CACNA1C: variants seen among roughly 807,000 people sequenced by gnomAD.
The protein encoded by CACNA1C is calcium voltage-gated channel subunit alpha1 C, also known as voltage-dependent L-type calcium channel subunit alpha-1C.
A neutral mutation model predicts 229.0 loss-of-function variants in CACNA1C; 30 were observed. That is an observed-to-expected ratio of 0.13 (90% CI 0.10 to 0.18). The LOEUF (loss-of-function observed/expected upper bound fraction) is 0.18, where lower values mean the gene tolerates loss of function less well. Ranked by LOEUF, CACNA1C falls within the 10% of genes least tolerant of loss-of-function variation. The pLI is 1.00. For missense variants in CACNA1C, 1,658 were observed against 2,845.0 expected, an observed-to-expected ratio of 0.58 and a Z score of 9.49; for synonymous variants, 1,114 against 1,132.5, an observed-to-expected ratio of 0.98 and a Z score of 0.33.
chr12:2,193,716 G>A (rs1461807138), intron 3 of CACNA1C, among the ~76,000 whole-genome samples: 1 of 152,214 alleles, frequency 6.6e-6, no homozygotes, highest in Non-Finnish European at 1.5e-5. Context: ...GCCTTGACAG[G>A]TCTGTCTGGC....
At position 2,319,699 on chromosome 12, in the gene CACNA1C, G is replaced by T. The variant is rs149463438; in HGVS notation, c.478-129277G>T. 3.5e-4 allele frequency among the ~76,000 whole-genome samples: 54 copies of T among 152,190 alleles called. No individual in the cohort carries two copies. Among genetic ancestry groups the T allele is most frequent in the African/African-American group, 1.1e-3 (46 of 41,538 alleles). ...CTTGCTGTGTATTAAATTTGATCTGGGGTGTCTGCAAATGTTGGTGCTCAC... is the reference window on the plus strand; with the variant it reads ...CTTGCTGTGTATTAAATTTGATCTGTGGTGTCTGCAAATGTTGGTGCTCAC... On this transcript the variant is annotated intron_variant, in intron 3 of 46. Coordinates refer to ENST00000399655, the MANE Select transcript of CACNA1C (RefSeq NM_000719.7). The surrounding 1 kb of genome is among the most constrained non-coding windows in gnomAD (Gnocchi z 4.0).
intron 1 of CACNA1C, among the ~76,000 whole-genome samples, chr12:2,076,422 C>T (rs577156756): frequency 9.9e-5 from 15 of 152,110 alleles, no homozygotes; most frequent in Non-Finnish European, 1.6e-4. Context: ...TCAGTGGCCA[C>T]GTGGCTCACA....
At chr12:2,361,447 A>T (rs557911503) in intron 3 of CACNA1C, among the ~76,000 whole-genome samples, 1 of 152,284 alleles carries the variant, frequency 6.6e-6, no homozygotes, top group African/African-American at 2.4e-5. Flanking sequence ...AGCCTCCTTT[A>T]AAAAAGTAAG....
At chr12:2,303,109 G>C (rs2094705714) in intron 3 of CACNA1C, among the ~76,000 whole-genome samples, 1 of 152,252 alleles carries the variant, frequency 6.6e-6, no homozygotes, top group Non-Finnish European at 1.5e-5. Flanking sequence ...CAGTCCAGAG[G>C]GATGTGGTTG....
chr12:2,041,270 C>T lies in CACNA1C; in HGVS notation c.139+70069C>T, dbSNP rs78687325. 8.2e-3 allele frequency among the ~76,000 whole-genome samples: 743 copies of T among 90,898 alleles called. 10 individuals carry two copies. Among genetic ancestry groups the T allele is most frequent in the African/African-American group, 0.026 (613 of 23,890 alleles). The allele number at this position is 90,898 out of a possible 152,430, so 59.6% of individuals were successfully genotyped here. ...GGGTCACAGTGATGCTAAGGGTATTCTTTTTTTTTTTTTTTTTTTTTTTTG... is the reference window on the plus strand; with the variant it reads ...GGGTCACAGTGATGCTAAGGGTATTTTTTTTTTTTTTTTTTTTTTTTTTTG... On this transcript the variant is annotated intron_variant, in intron 1 of 46. Transcript: ENST00000682462.
At chr12:2,162,877 T>C (rs1416104751) in intron 3 of CACNA1C, among the ~76,000 whole-genome samples, 6 of 152,130 alleles carry the variant, frequency 3.9e-5, no homozygotes, top group African/African-American at 1.4e-4. Context: ...CACAAAGCCA[T>C]TGCCTTCTTG....
intron 3 of CACNA1C, among the ~76,000 whole-genome samples, chr12:2,326,971 T>G (rs2096329697): frequency 1.3e-5 from 2 of 152,326 alleles, no homozygotes; most frequent in South Asian, 4.1e-4. Flanking sequence ...GGCAGATATA[T>G]CAGTTACCCT....
At position 2,470,279 on chromosome 12, in the gene CACNA1C, T is replaced by C. The variant is rs74053446; in HGVS notation, c.757+12573T>C. Among the ~76,000 whole-genome samples, 964 of 152,324 alleles carry C rather than the reference T, an allele frequency of 6.3e-3. 11 individuals are homozygous for C. Among genetic ancestry groups the C allele is most frequent in the African/African-American group, 0.022 (905 of 41,570 alleles). ...TTCTTAAACTCAGGAAGCTCCATAA[T>C]GGATTCCTTTTTGTGTCTGGAGACC... On this transcript the variant is annotated intron_variant, in intron 5 of 46. Transcript: ENST00000399655.
At chr12:2,456,968 GGGCTGAAA>G (rs2099430179) in intron 4 of CACNA1C, among the ~76,000 whole-genome samples, 2 of 152,222 alleles carry the variant, frequency 1.3e-5, no homozygotes, top group African/African-American at 4.8e-5. Context: ...TAAAGTGGCA[GGGCTGAAA>G]GCCCTGTGTC....
intron 5 of CACNA1C, among the ~76,000 whole-genome samples, chr12:2,473,260 C>G (rs1278960110): frequency 6.6e-6 from 1 of 152,186 alleles, no homozygotes; most frequent in South Asian, 2.1e-4. Flanking sequence ...CACAGACACA[C>G]AGGCAACCCC....
intron 1 of CACNA1C, among the ~76,000 whole-genome samples, chr12:1,996,155 C>T (rs1370330463): frequency 6.6e-6 from 1 of 152,200 alleles, no homozygotes; most frequent in Non-Finnish European, 1.5e-5. Flanking sequence ...AATCTTCTCA[C>T]TGTCCTGACT....
Position 2,677,445 on chromosome 12 carries a change from A to G in CACNA1C, c.4956+224A>G. The stretch of plus-strand genomic sequence containing the variant: ...GCCCTCCATGGTTCTGCCTGCTGTC[A>G]TAGCCCCCAGATCTCTCAAATACTT... On this transcript the variant is annotated intron_variant, in intron 40 of 46. Coordinates refer to ENST00000399655, the MANE Select transcript of CACNA1C (RefSeq NM_000719.7). The surrounding 1 kb of genome is among the most constrained non-coding windows in gnomAD (Gnocchi z 7.4). 1.6e-6 allele frequency: 1 copy of G among 619,054 alleles called. No individual in the cohort carries two copies. The highest frequency in any genetic ancestry group is 2.8e-5 in the East Asian group (1 of 35,928). 38.3% of individuals were successfully genotyped at this position (619,054 alleles called of 1,614,324 possible). A position where few individuals can be genotyped will look rare whatever the true frequency, so the allele number is the denominator to read the frequency against.
At chr12:2,056,887 T>G (rs1222711100) in intron 1 of CACNA1C, among the ~76,000 whole-genome samples, 1 of 152,240 alleles carries the variant, frequency 6.6e-6, no homozygotes, top group East Asian at 1.9e-4. Context: ...AGTGTGTGTG[T>G]GTATACATAC....
chr12:2,507,313 C>T (rs1375389837), intron 8 of CACNA1C, among the ~76,000 whole-genome samples: 1 of 152,234 alleles, frequency 6.6e-6, no homozygotes, highest in South Asian at 2.1e-4. Context: ...GGGCGAGCAC[C>T]TCCCCTTTCT....
chr12:2,690,763 C>G, intron 46 of CACNA1C, 137 bp from the exon 47 acceptor site: 2 of 806,326 alleles, frequency 2.5e-6, no homozygotes, highest in Non-Finnish European at 3.8e-6. Context: ...TCCCAACACA[C>G]ACACGTACAC....
chr12:2,045,747 G>A (rs1487294918), intron 1 of CACNA1C, among the ~76,000 whole-genome samples: 4 of 152,254 alleles, frequency 2.6e-5, no homozygotes. Flanking sequence ...CTGTAGGTTA[G>A]GGTAGCGCAG....
chr12:2,371,976 A>T (rs563783464), intron 3 of CACNA1C, among the ~76,000 whole-genome samples: 8 of 152,192 alleles, frequency 5.3e-5, no homozygotes, highest in Admixed American at 2.0e-4. Flanking sequence ...TTAGAAATTC[A>T]TGAAGGAAAT....
Position 2,448,434 on chromosome 12 carries a change from C to CTCTTAAGGGATCTTCACCGT in CACNA1C, c.478-541_478-522dup, listed in dbSNP as rs2099320683. ...GAGCAGGTTGCCTCTGTCTGGGCTGCTCTTAAGGGATCTTCACCGTCTCCA... is the reference window on the plus strand; with the variant it reads ...GAGCAGGTTGCCTCTGTCTGGGCTGCTCTTAAGGGATCTTCACCGTTCTTAAGGGATCTTCACCGTCTCCA... On this transcript the variant is annotated intron_variant, in intron 3 of 46. Transcript: ENST00000399655. Among the ~76,000 whole-genome samples, 2 of 152,160 alleles carry CTCTTAAGGGATCTTCACCGT rather than the reference C, an allele frequency of 1.3e-5. 1 individual carries two copies. The highest frequency in any genetic ancestry group is 4.1e-4 in the South Asian group (2 of 4,826).
intron 1 of CACNA1C, among the ~76,000 whole-genome samples, chr12:2,006,089 A>T (rs1022984739): frequency 1.3e-5 from 2 of 152,224 alleles, no homozygotes; most frequent in African/African-American, 4.8e-5. Context: ...CACATAAACA[A>T]AAGTTCTCTG....
Sources: allele counts gnomAD v4.1 joint callset (sites outside exome capture counted in the v4.1 genomes callset), GRCh38; gene constraint gnomAD v4.1.1; non-coding constraint Gnocchi (gnomAD v3.1); transcripts MANE v1.5; gene names NCBI Gene and HGNC (gene_info 2026-07-23, HGNC 2026-07-21).